The following ZNF280A variants were observed in gnomAD, a reference collection of about 807,000 sequenced individuals.
ZNF280A encodes suppressor of hairy wing homolog 1.
In ZNF280A, 26 loss-of-function variants were observed where a neutral mutation model predicts 35.9. The observed-to-expected ratio is 0.72, with a 90% CI of 0.53 to 1.01. The LOEUF (loss-of-function observed/expected upper bound fraction) is 1.01. Among genes scored for constraint, ZNF280A ranks in the 50% least tolerant of loss-of-function variants. The pLI, the probability that ZNF280A is intolerant of heterozygous loss-of-function variation, is 0.00. For missense variants in ZNF280A, 654 were observed against 652.0 expected, an observed-to-expected ratio of 1.00 and a Z score of -0.03; for synonymous variants, 231 against 232.9, an observed-to-expected ratio of 0.99 and a Z score of 0.07.
At chr22:22,516,886 C>T (rs959574401) in intron 1 of ZNF280A, among the ~76,000 whole-genome samples, 1 of 151,910 alleles carries the variant, frequency 6.6e-6, no homozygotes, top group Non-Finnish European at 1.5e-5. Context: ...CCCATGGTTC[C>T]TCTTCAGCAA....
intron 1 of ZNF280A, among the ~76,000 whole-genome samples, chr22:22,516,316 C>A (rs1480681167): frequency 3.3e-5 from 5 of 151,180 alleles, no homozygotes; most frequent in Admixed American, 2.6e-4. Context: ...CACACACACA[C>A]CCTTTGCTGT....
intron 1 of ZNF280A, among the ~76,000 whole-genome samples, chr22:22,518,231 T>A (rs1298981193): frequency 7.2e-5 from 11 of 151,792 alleles, no homozygotes; most frequent in Admixed American, 7.2e-4. Context: ...GGCCAATTGA[T>A]GGCATCTTAT....
In ZNF280A at chr22:22,515,527, A is replaced by T. The variant is rs982584035; in HGVS notation, c.104T>A (p.Val35Asp). 5.0e-6 allele frequency: 8 copies of T among 1,613,864 alleles called. No individual in the cohort carries two copies. The highest frequency in any genetic ancestry group is 2.2e-5 in the South Asian group (2 of 91,066). ...ATCTCTATGTACATGCTCCACCCCA[A>T]CATAGATCAGATCTGGATCTTCATC... ...EDDEDPDLIY[V>D]GVEHVHRDAE... The change falls in exon 2 of 2, where the codon GTT (valine) becomes GAT (aspartate). Residue 35 changes from valine (V) to aspartate (D), a missense_variant. Coordinates refer to ENST00000302097, the MANE Select transcript of ZNF280A (RefSeq NM_080740.5).
At chr22:22,516,954 C>G (rs2062079106) in intron 1 of ZNF280A, among the ~76,000 whole-genome samples, 1 of 151,926 alleles carries the variant, frequency 6.6e-6, no homozygotes, top group African/African-American at 2.4e-5. Flanking sequence ...TGTTCAAACC[C>G]TCAATGTTAT....
Position 22,514,248 on chromosome 22 carries a change from C to CA in ZNF280A, c.1382dup (p.Leu461PhefsTer18), listed in dbSNP as rs377355917. 1 of 1,613,856 alleles carries CA rather than the reference C, an allele frequency of 6.2e-7. No homozygotes were observed. Among genetic ancestry groups the CA allele is most frequent in the African/African-American group, 1.3e-5 (1 of 74,966 alleles). ...TGTGCTCTATTTCCTCCTTCAACGT[C>CA]AAAAACTGTAGCCGGCACTTGGAAC... On this transcript the variant is annotated frameshift_variant, in exon 2 of 2. Coordinates refer to ENST00000302097, the MANE Select transcript of ZNF280A (RefSeq NM_080740.5). LOFTEE classifies it high-confidence loss of function.
chr22:22,519,914 G>T (rs1246369777), intron 1 of ZNF280A, among the ~76,000 whole-genome samples, 175 bp downstream of exon 1: 1 of 151,948 alleles, frequency 6.6e-6, no homozygotes, highest in Non-Finnish European at 1.5e-5. Context: ...TAATATTTTG[G>T]AACCTCAGGT....
At chr22:22,517,919 T>C (rs1273722387) in intron 1 of ZNF280A, among the ~76,000 whole-genome samples, 1 of 149,252 alleles carries the variant, frequency 6.7e-6, no homozygotes, top group African/African-American at 2.5e-5. Context: ...TTATAATTGA[T>C]GGCATCTTTT....
Position 22,515,059 on chromosome 22 carries a change from G to C in ZNF280A, c.572C>G (p.Pro191Arg), listed in dbSNP as rs1231348970. The change falls in exon 2 of 2, where the codon CCT becomes CGT. Residue 191 changes from proline (P) to arginine (R), a missense_variant. Coordinates refer to ENST00000302097, the MANE Select transcript of ZNF280A (RefSeq NM_080740.5). The part of the protein sequence containing the change: ...VKLRDGIPGV[P>R]SLAVVPSDMS... ...ATCTGAAGGGACCACAGCTAAAGAA[G>C]GTACCCCTGGGATTCCATCCCTGAG... 6.2e-7 allele frequency: 1 copy of C among 1,613,864 alleles called. No individual in the cohort carries two copies. Among genetic ancestry groups the C allele is most frequent in the South Asian group, 1.1e-5 (1 of 91,070 alleles).
intron 1 of ZNF280A, among the ~76,000 whole-genome samples, chr22:22,518,082 C>T (rs112689682): frequency 2.4e-4 from 37 of 151,750 alleles, no homozygotes; most frequent in African/African-American, 8.2e-4. Context: ...CCCGCCACCT[C>T]GCCCGGCTAA....
rs1367686102 is a variant in ZNF280A, at chr22:22,520,232, G to T, written c.-215C>A. On this transcript the variant is annotated 5_prime_UTR_variant, in exon 1 of 2. Coordinates refer to ENST00000302097, the MANE Select transcript of ZNF280A (RefSeq NM_080740.5). ...TCCAGAGACCGGCAGCACTGCTTCC[G>T]CAGGCGAACAACGCCGCTTGCTCTT... The T allele has an allele frequency of 6.6e-6, 1 of 151,966 alleles. No individual in the cohort carries two copies. Among genetic ancestry groups the T allele is most frequent in the East Asian group, 2.0e-4 (1 of 5,100 alleles). 9.4% of individuals were successfully genotyped at this position (151,966 alleles called of 1,614,324 possible).
At chr22:22,517,369 T>C (rs2062084502) in intron 1 of ZNF280A, among the ~76,000 whole-genome samples, 1 of 152,066 alleles carries the variant, frequency 6.6e-6, no homozygotes, top group Non-Finnish European at 1.5e-5. Context: ...ATACTGTGCA[T>C]GCTAAATCTT....
chr22:22,517,956 G>T (rs1415111401), intron 1 of ZNF280A, among the ~76,000 whole-genome samples: 2 of 135,546 alleles, frequency 1.5e-5, no homozygotes, highest in Non-Finnish European at 3.0e-5. Context: ...ATGGAGTCTC[G>T]CTCTGTCGCC....
chr22:22,514,293 G>T lies in ZNF280A; in HGVS notation c.1338C>A (p.Ser446Arg), dbSNP rs770064935. Residue 446 changes from serine to arginine, a missense_variant, in exon 2 of 2, where the codon AGC becomes AGA. By Grantham distance (110) the Ser-to-Arg change is moderately radical (BLOSUM62 -1). Transcript: ENST00000302097. ...TGGAACACTGAAGGACCCTCCTTCTGCTGTGCCTCCAACAATGATTCATGT... is the reference window on the plus strand; with the variant it reads ...TGGAACACTGAAGGACCCTCCTTCTTCTGTGCCTCCAACAATGATTCATGT... ...IPYMNHCWRH[S>R]RRRVLQCSKC... The T allele has an allele frequency of 6.2e-7, 1 of 1,613,938 alleles. No individual in the cohort carries two copies. Among genetic ancestry groups the T allele is most frequent in the Non-Finnish European group, 8.5e-7 (1 of 1,179,990 alleles).
In ZNF280A at chr22:22,514,438, AC is replaced by A; in HGVS notation, c.1192del (p.Val398PhefsTer42). 1 of 1,613,802 alleles carries A rather than the reference AC, an allele frequency of 6.2e-7. No homozygotes were observed. The highest frequency in any genetic ancestry group is 8.5e-7 in the Non-Finnish European group (1 of 1,179,990). ...KPGEMPYVCQ[V>X]CHYRSSVFAD... ...AAAGACCGACGATCTGTAATGGCAA[AC>A]CTGGCACACATAAGGCATTTCGCCA... is the stretch of plus-strand genomic sequence containing the variant. On this transcript the variant is annotated frameshift_variant, in exon 2 of 2. Coordinates refer to ENST00000302097, the MANE Select transcript of ZNF280A (RefSeq NM_080740.5). LOFTEE classifies it high-confidence loss of function.
intron 1 of ZNF280A, among the ~76,000 whole-genome samples, chr22:22,517,817 A>G (rs2062089700): frequency 6.7e-6 from 1 of 148,554 alleles, no homozygotes; most frequent in Non-Finnish European, 1.5e-5. Context: ...TTGGGTTTTC[A>G]CTCATGTGAG....
At chr22:22,518,143 T>G (rs1276728978) in intron 1 of ZNF280A, among the ~76,000 whole-genome samples, 1 of 151,818 alleles carries the variant, frequency 6.6e-6, no homozygotes, top group African/African-American at 2.4e-5. Context: ...GCCAGGATGG[T>G]CTCGATCTCC....
chr22:22,516,315 A>ACACACACACACC (rs1296680302), intron 1 of ZNF280A, among the ~76,000 whole-genome samples: 5 of 150,766 alleles, frequency 3.3e-5, no homozygotes, highest in African/African-American at 7.3e-5. Context: ...ACACACACAC[A>ACACACACACACC]CCCTTTGCTG....
At position 22,515,484 on chromosome 22, in the gene ZNF280A, G is replaced by A. The variant is rs762725294; in HGVS notation, c.147C>T (p.Val49=). 1.1e-5 allele frequency: 17 copies of A among 1,613,692 alleles called. No individual in the cohort carries two copies. The highest frequency in any genetic ancestry group is 4.0e-5 in the African/African-American group (3 of 74,830). ...HVHRDAEVLF[V]GMISNSKPVV... ...CTGGTTTTGAATTTGAAATCATCCC[G>A]ACAAAGAGAACTTCAGCATCTCTAT... The change falls in exon 2 of 2, where the codon GTC becomes GTT. Residue 49 remains valine, a synonymous_variant. Transcript: ENST00000302097.
chr22:22,513,831 G>C lies in ZNF280A; in HGVS notation c.*171C>G. On this transcript the variant is annotated 3_prime_UTR_variant, in exon 2 of 2. Coordinates refer to ENST00000302097, the MANE Select transcript of ZNF280A (RefSeq NM_080740.5). ...GTTGGGAGCATTTGACTGGGAAAGG[G>C]CTCAAAGACTTTGGAGCTACTTCTT... 1.8e-6 allele frequency: 1 copy of C among 558,976 alleles called. No individual in the cohort carries two copies. Among genetic ancestry groups the C allele is most frequent in the Non-Finnish European group, 3.1e-6 (1 of 319,382 alleles). 34.6% of individuals were successfully genotyped at this position (558,976 alleles called of 1,614,324 possible).
Sources: gnomAD v4.1 joint callset for allele counts (sites outside exome capture counted in the v4.1 genomes callset) on GRCh38, gnomAD v4.1.1 for gene constraint, MANE v1.5 for transcripts, NCBI Gene and HGNC (gene_info 2026-07-23, HGNC 2026-07-21) for gene names.